LEPROTL1: variants seen among roughly 807,000 people sequenced by gnomAD.
LEPROTL1 encodes leptin receptor overlapping transcript like 1.
LEPROTL1 carries 6 observed loss-of-function variants against 15.4 expected under a neutral mutation model. That is an observed-to-expected ratio of 0.39 (90% CI 0.21 to 0.77). LEPROTL1 has a LOEUF of 0.77. Among genes scored for constraint, LEPROTL1 ranks in the 30% least tolerant of loss-of-function variants. The probability of loss-of-function intolerance (pLI) is 0.41; values close to 1 mark genes in which losing one functional copy is unlikely to be tolerated. For synonymous variants in LEPROTL1, 56 were observed against 52.6 expected (o/e 1.06, Z -0.28); for missense variants, 128 against 158.1 (o/e 0.81, Z 1.02).
chr8:30,133,467 C>T (rs188297015), intron 4 of LEPROTL1, among the ~76,000 whole-genome samples: 8 of 152,262 alleles, frequency 5.3e-5, no homozygotes, highest in East Asian at 3.9e-4. Flanking sequence ...CACATTTACA[C>T]GCATGTTCAA....
intron 1 of LEPROTL1, among the ~76,000 whole-genome samples, chr8:30,100,321 A>T (rs1802445266): frequency 6.6e-6 from 1 of 152,214 alleles, no homozygotes; most frequent in Non-Finnish European, 1.5e-5. Context: ...ACCTTCTACA[A>T]ATCTTTCGAA....
chr8:30,105,930 A>G lies in LEPROTL1; in HGVS notation c.*68A>G. 7.1e-7 allele frequency: 1 copy of G among 1,406,850 alleles called. No homozygotes were observed. Among genetic ancestry groups the G allele is most frequent in the East Asian group, 2.7e-5 (1 of 36,632 alleles). 87.1% of individuals were successfully genotyped at this position (1,406,850 alleles called of 1,614,324 possible). ...TGTTGGCCATTCACGCACACAGGAG[A>G]TGGGGCAGTTAATGCTGAATGGTAT... On this transcript the variant is annotated 3_prime_UTR_variant, in exon 4 of 4. Transcript: ENST00000321250.
downstream of LEPROTL1, chr8:30,138,306 G>C: frequency 2.3e-6 from 1 of 433,944 alleles, no homozygotes; most frequent in Non-Finnish European, 4.2e-6. Flanking sequence ...CCCACTGGGC[G>C]GTTACACTAA....
chr8:30,096,068 G>T (rs1158291676), intron 1 of LEPROTL1, among the ~76,000 whole-genome samples: 6 of 152,200 alleles, frequency 3.9e-5, no homozygotes, highest in Non-Finnish European at 8.8e-5. Context: ...CTCCCGAAAC[G>T]GGTGCATTTT....
Position 30,106,426 on chromosome 8 carries a change from G to A in LEPROTL1, c.*564G>A. On this transcript the variant is annotated 3_prime_UTR_variant, in exon 4 of 4. Transcript: ENST00000321250. The stretch of plus-strand genomic sequence containing the variant: ...ATAGCTGCATTTATACCTCAGAGGG[G>A]CCAAGTGTTAATGCCCATGCCCTCC... 1.0e-6 allele frequency: 1 copy of A among 985,746 alleles called. No individual in the cohort carries two copies. The highest frequency in any genetic ancestry group is 4.7e-5 in the South Asian group (1 of 21,286). 61.1% of individuals were successfully genotyped at this position (985,746 alleles called of 1,614,324 possible).
chr8:30,106,885 T>C lies in LEPROTL1; in HGVS notation c.*1023T>C. 1.0e-6 allele frequency: 1 copy of C among 982,656 alleles called. No homozygotes were observed. The highest frequency in any genetic ancestry group is 1.2e-6 in the Non-Finnish European group (1 of 827,012). The allele number at this position is 982,656 out of a possible 1,614,324, so 60.9% of individuals were successfully genotyped here. ...ACATAAAATAACTTTTCAAATATAG[T>C]TTAATAACACTTAGAAGTGTTTACT... On this transcript the variant is annotated 3_prime_UTR_variant, in exon 4 of 4. Transcript: ENST00000321250.
At chr8:30,110,857 C>T (rs1802645037), downstream of LEPROTL1, among the ~76,000 whole-genome samples, 1 of 152,108 alleles carries the variant, frequency 6.6e-6, no homozygotes, top group Non-Finnish European at 1.5e-5. Flanking sequence ...ATTTCCATAT[C>T]TGTTTGTAAA....
At chr8:30,131,916 G>A in intron 3 of LEPROTL1, 1 of 1,527,876 alleles carries the variant, frequency 6.5e-7, no homozygotes, top group Non-Finnish European at 8.8e-7. Flanking sequence ...TTTCCTGGGT[G>A]TTTAAGGTGA....
chr8:30,131,072 G>A (rs1241967427), intron 3 of LEPROTL1, among the ~76,000 whole-genome samples: 1 of 150,942 alleles, frequency 6.6e-6, no homozygotes, highest in Non-Finnish European at 1.5e-5. Flanking sequence ...GGGATTACAG[G>A]TGTGAGCCAC....
chr8:30,131,268 A>ATG (rs1485814966), intron 3 of LEPROTL1, among the ~76,000 whole-genome samples: 2 of 88,994 alleles, frequency 2.2e-5, no homozygotes, highest in African/African-American at 8.2e-5. Flanking sequence ...ACATATATAT[A>ATG]TATGTGTGTG....
rs556689773 is a variant in LEPROTL1 at position 30,108,008 on chromosome 8, C to G, written c.*2146C>G. The G allele has an allele frequency of 5.3e-6, 5 of 948,994 alleles. No homozygotes were observed. In the Admixed American group the frequency reaches 1.9e-4, roughly 35 times the overall value. The allele number at this position is 948,994 out of a possible 1,614,324, so 58.8% of individuals were successfully genotyped here. A position where few individuals can be genotyped will look rare whatever the true frequency, so the allele number is the denominator to read the frequency against. Reference sequence around the variant, plus strand: ...TAGAATATGCACTGATACAATATTACCATTCTTCTATGGAAAGAAAACTTT... The same window carrying G: ...TAGAATATGCACTGATACAATATTAGCATTCTTCTATGGAAAGAAAACTTT... On this transcript the variant is annotated 3_prime_UTR_variant, in exon 4 of 4. Transcript: ENST00000321250.
rs35105107 is a variant in LEPROTL1 at position 30,129,711 on chromosome 8, TCACACACA to T, written c.280-2625_280-2618del. ...GCCTGGGTGACAGAGTGAGACCCTG[TCACACACA>T]CACACACACACACACACACACACAC... On this transcript the variant is annotated intron_variant, in intron 3 of 4. Coordinates refer to the LEPROTL1 transcript ENST00000442880. 5.6e-3 allele frequency among the ~76,000 whole-genome samples: 715 copies of T among 128,384 alleles called. 3 individuals carry two copies. Among genetic ancestry groups the T allele is most frequent in the African/African-American group, 9.5e-3 (334 of 35,086 alleles). The allele number at this position is 128,384 out of a possible 152,430, so 84.2% of individuals were successfully genotyped here.
chr8:30,098,657 A>G (rs1174127810), intron 1 of LEPROTL1, among the ~76,000 whole-genome samples: 1 of 152,220 alleles, frequency 6.6e-6, no homozygotes, highest in East Asian at 1.9e-4. Flanking sequence ...TAGAGAAGGA[A>G]GAACTGAGAC....
In LEPROTL1 at chr8:30,095,458, T is replaced by TGCC; in HGVS notation, c.-52_-50dup. On this transcript the variant is annotated 5_prime_UTR_variant, in exon 1 of 4. Transcript: ENST00000321250. ...CGTAGCGCGTCTTGGGTCTCCCGGC[T>TGCC]GCCGCTGCTGCCGCCGCCGCCTCGG... 6.8e-7 allele frequency: 1 copy of TGCC among 1,461,324 alleles called. No individual in the cohort carries two copies. Among genetic ancestry groups the TGCC allele is most frequent in the Non-Finnish European group, 9.0e-7 (1 of 1,110,392 alleles). 90.5% of individuals were successfully genotyped at this position (1,461,324 alleles called of 1,614,324 possible).
intron 3 of LEPROTL1, among the ~76,000 whole-genome samples, chr8:30,127,703 C>CGTAT: frequency 6.7e-6 from 1 of 149,406 alleles, no homozygotes; most frequent in South Asian, 2.1e-4. Flanking sequence ...CACACACACA[C>CGTAT]ACGTATATGT....
At chr8:30,127,048 A>G (rs562820686) in intron 3 of LEPROTL1, among the ~76,000 whole-genome samples, 108 of 152,246 alleles carry the variant, frequency 7.1e-4, no homozygotes, top group South Asian at 1.5e-3. Context: ...TGAAAAAAAA[A>G]AAAGAAAATA....
chr8:30,108,868 T>C (rs1022918536), downstream of LEPROTL1, among the ~76,000 whole-genome samples: 4 of 152,138 alleles, frequency 2.6e-5, no homozygotes, highest in Non-Finnish European at 4.4e-5. Context: ...CCTCAAGTTA[T>C]CGCCCTGCCG....
intron 4 of LEPROTL1, chr8:30,132,530 T>A: frequency 6.4e-7 from 1 of 1,551,716 alleles, no homozygotes; most frequent in Non-Finnish European, 8.7e-7. Flanking sequence ...ACGACATAGA[T>A]GCACTCGAAT....
At chr8:30,104,160 G>A in intron 2 of LEPROTL1, 140 bp from the exon 3 acceptor site, 1 of 450,316 alleles carries the variant, frequency 2.2e-6, no homozygotes, top group East Asian at 3.5e-5. Context: ...GAAGTTTAGG[G>A]TTGTTTCAGC....
Sources: allele counts gnomAD v4.1 joint callset (sites outside exome capture counted in the v4.1 genomes callset), GRCh38; gene constraint gnomAD v4.1.1; transcripts MANE v1.5; gene names NCBI Gene and HGNC (gene_info 2026-07-23, HGNC 2026-07-21).